Variants in DCC observed in about 807,000 individuals in gnomAD.
The protein encoded by DCC is netrin receptor DCC.
In DCC, 58 loss-of-function variants were observed where a neutral mutation model predicts 172.5. That is an observed-to-expected ratio of 0.34 (90% CI 0.27 to 0.42). The LOEUF is 0.42. Ranked by LOEUF, DCC falls within the 10% of genes least tolerant of loss-of-function variation. The pLI, the probability that DCC is intolerant of heterozygous loss-of-function variation, is 1.00. For synonymous variants in DCC, 709 were observed against 644.5 expected, an observed-to-expected ratio of 1.10 and a Z score of -1.52; for missense variants, 1,740 against 1,791.0, an observed-to-expected ratio of 0.97 and a Z score of 0.51.
At chr18:53,139,487 T>C (rs762573496) in intron 7 of DCC, among the ~76,000 whole-genome samples, 3 of 152,168 alleles carry the variant, frequency 2.0e-5, no homozygotes, top group Non-Finnish European at 4.4e-5. Context: ...TTCTAGTTGT[T>C]TGTTTGGTTG....
chr18:52,885,145 G>C (rs113451075), intron 2 of DCC, among the ~76,000 whole-genome samples: 94 of 152,132 alleles, frequency 6.2e-4, no homozygotes, highest in African/African-American at 2.0e-3. Flanking sequence ...ATGGCCTGCT[G>C]TAACCACTAC....
chr18:52,639,623 C>T (rs570679486), intron 1 of DCC, among the ~76,000 whole-genome samples: 2 of 151,772 alleles, frequency 1.3e-5, no homozygotes, highest in Admixed American at 6.6e-5. Flanking sequence ...AATTAGATAC[C>T]CTGAACAGAG....
intron 8 of DCC, among the ~76,000 whole-genome samples, chr18:53,171,095 G>A (rs1345782494): frequency 6.6e-6 from 1 of 152,088 alleles, no homozygotes; most frequent in African/African-American, 2.4e-5. Context: ...AGATTGGCCA[G>A]GCTGGTCTCG....
At chr18:52,508,517 A>G (rs1486084468) in intron 1 of DCC, among the ~76,000 whole-genome samples, 2 of 152,204 alleles carry the variant, frequency 1.3e-5, no homozygotes, top group Non-Finnish European at 2.9e-5. Flanking sequence ...CACATAAAAG[A>G]TATGAAAAAA....
At chr18:52,989,420 G>A (rs2145618809) in intron 5 of DCC, among the ~76,000 whole-genome samples, 1 of 152,206 alleles carries the variant, frequency 6.6e-6, no homozygotes, top group Admixed American at 6.5e-5. Flanking sequence ...CTACTCAGGA[G>A]ATGGAGGCAG....
At chr18:53,474,058 A>C (rs1000713987) in intron 25 of DCC, among the ~76,000 whole-genome samples, 1 of 152,162 alleles carries the variant, frequency 6.6e-6, no homozygotes, top group African/African-American at 2.4e-5. Flanking sequence ...CAACACATAC[A>C]TGGTTTTAAA....
intron 1 of DCC, among the ~76,000 whole-genome samples, chr18:52,576,343 A>C (rs2144768045): frequency 6.6e-6 from 1 of 152,300 alleles, no homozygotes; most frequent in South Asian, 2.1e-4. Context: ...GACTAGCGGG[A>C]TTAAGGACAA....
intron 7 of DCC, among the ~76,000 whole-genome samples, chr18:53,141,591 G>A (rs1376736966): frequency 6.6e-6 from 1 of 152,170 alleles, no homozygotes; most frequent in African/African-American, 2.4e-5. Flanking sequence ...AGCGAACTAT[G>A]ATGTGTAAGA....
At chr18:53,408,145 G>A (rs1259083832) in intron 19 of DCC, among the ~76,000 whole-genome samples, 2 of 152,052 alleles carry the variant, frequency 1.3e-5, no homozygotes, top group Non-Finnish European at 2.9e-5. Context: ...GTAATCATTT[G>A]GGGTGTAGAT....
At chr18:52,836,729 G>C in intron 2 of DCC, among the ~76,000 whole-genome samples, 1 of 152,342 alleles carries the variant, frequency 6.6e-6, no homozygotes, top group Non-Finnish European at 1.5e-5. Context: ...TTGAGTGCCA[G>C]TGGCTCTTCC....
At chr18:53,489,901 G>A (rs1254163672) in intron 26 of DCC, among the ~76,000 whole-genome samples, 1 of 151,292 alleles carries the variant, frequency 6.6e-6, no homozygotes, top group African/African-American at 2.5e-5. Flanking sequence ...GTTATCCCTA[G>A]GGAACAGTTT....
chr18:52,346,005 C>T (rs1983862315), intron 1 of DCC, among the ~76,000 whole-genome samples: 1 of 152,108 alleles, frequency 6.6e-6, no homozygotes. Context: ...GAACGTTAAC[C>T]TTTTTCAAAG....
At chr18:53,238,222 A>C (rs558549535) in intron 12 of DCC, among the ~76,000 whole-genome samples, 5 of 152,124 alleles carry the variant, frequency 3.3e-5, no homozygotes, top group Non-Finnish European at 4.4e-5. Context: ...CTCTTCCAAT[A>C]GATATTCTAA....
At chr18:53,180,032 A>G (rs1362054972) in intron 9 of DCC, among the ~76,000 whole-genome samples, 1 of 152,222 alleles carries the variant, frequency 6.6e-6, no homozygotes, top group Non-Finnish European at 1.5e-5. Context: ...AAAGAGGTAT[A>G]TCAAAATCAC....
chr18:52,540,512 C>T (rs1002984695), intron 1 of DCC, among the ~76,000 whole-genome samples: 13 of 150,366 alleles, frequency 8.6e-5, no homozygotes, highest in African/African-American at 2.9e-4. Context: ...ATTTTAGTGG[C>T]ATCAAAGCAT....
intron 1 of DCC, among the ~76,000 whole-genome samples, chr18:52,522,080 GAGAT>G (rs2031836781): frequency 6.6e-6 from 1 of 152,126 alleles, no homozygotes; most frequent in Non-Finnish European, 1.5e-5. Flanking sequence ...GAAAAACTGA[GAGAT>G]AGAATAAAAT....
chr18:53,447,473 G>T (rs1912688547), intron 22 of DCC, among the ~76,000 whole-genome samples: 1 of 152,044 alleles, frequency 6.6e-6, no homozygotes, highest in Admixed American at 6.6e-5. Flanking sequence ...TAATCTCACT[G>T]GTACTCAGCA....
intron 1 of DCC, among the ~76,000 whole-genome samples, chr18:52,725,036 C>T (rs1016678789): frequency 1.3e-5 from 2 of 152,200 alleles, no homozygotes; most frequent in Non-Finnish European, 2.9e-5. Context: ...AGGGAACCTA[C>T]CCGATCTCTT....
At chr18:53,425,522 C>T (rs1020938460) in intron 21 of DCC, among the ~76,000 whole-genome samples, 19 of 151,694 alleles carry the variant, frequency 1.3e-4, no homozygotes, top group African/African-American at 3.9e-4. Flanking sequence ...CCACTATGCC[C>T]GGCTAAATCT....
Sources: allele counts gnomAD v4.1 joint callset (sites outside exome capture counted in the v4.1 genomes callset), GRCh38; gene constraint gnomAD v4.1.1; transcripts MANE v1.5; gene names NCBI Gene and HGNC (gene_info 2026-07-23, HGNC 2026-07-21).